The following RAD51B variants were observed in gnomAD, a reference collection of about 807,000 sequenced individuals.
RAD51B encodes the protein DNA repair protein RAD51 homolog 2.
In RAD51B, 38 loss-of-function variants were observed where a neutral mutation model predicts 42.2. The observed-to-expected ratio is 0.90, with a 90% CI of 0.70 to 1.18. RAD51B has a LOEUF of 1.18. Among genes scored for constraint, RAD51B ranks in the 50% most tolerant of loss-of-function variants. The probability of loss-of-function intolerance (pLI) is 0.00; values close to 1 mark genes in which losing one functional copy is unlikely to be tolerated. For synonymous variants in RAD51B, 154 were observed against 145.2 expected, an observed-to-expected ratio of 1.06 and a Z score of -0.43; for missense variants, 373 against 400.7, an observed-to-expected ratio of 0.93 and a Z score of 0.59.
At position 68,497,497 on chromosome 14, in the gene RAD51B, T is replaced by C. The variant is rs1014409138; in HGVS notation, c.1036+29247T>C. 50 of 1,060,224 alleles carry C rather than the reference T, an allele frequency of 4.7e-5. No homozygotes were observed. The African/African-American group carries it at 7.9e-4, about 17-fold the overall frequency. 65.7% of individuals were successfully genotyped at this position (1,060,224 alleles called of 1,614,324 possible). A position where few individuals can be genotyped will look rare whatever the true frequency, so the allele number is the denominator to read the frequency against. On this transcript the variant is annotated intron_variant, in intron 10 of 10. Transcript: ENST00000487270. ...GTGGAACACATAGGTTTTTTTTTTT[T>C]AACTTTCTCTTTCTAAAATATTTCA...
chr14:68,655,656 C>G (rs1204581353), intron 11 of RAD51B, among the ~76,000 whole-genome samples: 1 of 152,164 alleles, frequency 6.6e-6, no homozygotes. Context: ...CCAGGGCCTG[C>G]CAGGGACGCC....
chr14:68,535,955 A>C (rs1349456442), intron 10 of RAD51B, among the ~76,000 whole-genome samples: 1 of 152,178 alleles, frequency 6.6e-6, no homozygotes, highest in Non-Finnish European at 1.5e-5. Flanking sequence ...CTTCTGGCTA[A>C]TGTAAGCCAG....
intron 10 of RAD51B, among the ~76,000 whole-genome samples, chr14:68,559,217 A>G (rs1201395085): frequency 1.3e-5 from 2 of 152,098 alleles, no homozygotes; most frequent in African/African-American, 2.4e-5. Flanking sequence ...CTATACTTAT[A>G]ATAGATATTT....
chr14:68,659,083 G>A (rs1230187050), intron 11 of RAD51B, among the ~76,000 whole-genome samples: 2 of 152,226 alleles, frequency 1.3e-5, no homozygotes, highest in East Asian at 1.9e-4. Flanking sequence ...CGTGTGGCCT[G>A]GAGGGAGGGC....
At chr14:68,248,895 A>C (rs529396680) in intron 7 of RAD51B, among the ~76,000 whole-genome samples, 10 of 152,246 alleles carry the variant, frequency 6.6e-5, no homozygotes, top group Non-Finnish European at 1.5e-4. Flanking sequence ...ATTGGGATGG[A>C]TGTGCCCATT....
intron 9 of RAD51B, among the ~76,000 whole-genome samples, chr14:68,440,922 T>A (rs1243060876): frequency 1.3e-5 from 2 of 152,200 alleles, no homozygotes; most frequent in African/African-American, 4.8e-5. Context: ...TTGGGATGTG[T>A]CTTGCAAGTC....
intron 7 of RAD51B, among the ~76,000 whole-genome samples, chr14:68,273,202 G>A (rs1420678938): frequency 3.3e-5 from 5 of 152,076 alleles, no homozygotes. Flanking sequence ...TTTGCTTAAG[G>A]CAGTGTGATG....
At chr14:68,401,463 G>A (rs1246202357) in intron 8 of RAD51B, among the ~76,000 whole-genome samples, 1 of 152,200 alleles carries the variant, frequency 6.6e-6, no homozygotes, top group African/African-American at 2.4e-5. Flanking sequence ...TTGTGCTATG[G>A]AGGATCCATC....
At position 67,871,580 on chromosome 14, in the gene RAD51B, G is replaced by C. The variant is rs867543226; in HGVS notation, c.452+6441G>C. Among the ~76,000 whole-genome samples the C allele has an allele frequency of 6.0e-3, 898 of 149,030 alleles. 8 individuals carry two copies. Among genetic ancestry groups the C allele is most frequent in the African/African-American group, 0.021 (847 of 40,212 alleles). On this transcript the variant is annotated intron_variant, in intron 5 of 10. Transcript: ENST00000471583. ...GAAAAAGAGGGAATCCTCCCTAACT[G>C]ATTTTATGAGGCCAGCATCATCCTG...
intron 7 of RAD51B, among the ~76,000 whole-genome samples, chr14:68,011,985 T>C (rs2075692136): frequency 6.6e-6 from 1 of 152,072 alleles, no homozygotes; most frequent in South Asian, 2.1e-4. Context: ...TGAATCTCAA[T>C]AAACAAACAC....
intron 9 of RAD51B, among the ~76,000 whole-genome samples, chr14:68,460,049 G>A (rs749470707): frequency 2.6e-5 from 4 of 152,170 alleles, no homozygotes; most frequent in African/African-American, 7.2e-5. Context: ...CCTCATGGCC[G>A]CCTATTCATG....
rs777308562 is a variant in RAD51B, at chr14:68,411,485, T to C, written c.915T>C (p.Asn305=). The change falls in exon 9 of 11, where the codon AAT becomes AAC. Residue 305 remains asparagine (N), a synonymous_variant. Transcript: ENST00000471583. The part of the protein sequence containing the change: ...ALGNTWSHSV[N]TRLILQYLDS... Reference sequence around the variant, plus strand: ...GAAATACCTGGAGTCACAGTGTGAATACCCGGCTGATCCTCCAGTACCTTG... The same window carrying C: ...GAAATACCTGGAGTCACAGTGTGAACACCCGGCTGATCCTCCAGTACCTTG... 13 of 1,614,020 alleles carry C rather than the reference T, an allele frequency of 8.1e-6. No individual in the cohort carries two copies. Among genetic ancestry groups the C allele is most frequent in the Non-Finnish European group, 1.1e-5 (13 of 1,180,006 alleles).
At chr14:68,540,270 G>A (rs1566931567) in intron 10 of RAD51B, 1 of 1,025,986 alleles carries the variant, frequency 9.7e-7, no homozygotes, top group Non-Finnish European at 1.2e-6. Context: ...CCCTGTTCAA[G>A]GTTCAAGAGC....
At chr14:67,961,676 C>T (rs1346478743) in intron 7 of RAD51B, among the ~76,000 whole-genome samples, 9 of 152,128 alleles carry the variant, frequency 5.9e-5, no homozygotes, top group African/African-American at 1.9e-4. Flanking sequence ...ACGGTCCTAC[C>T]GTTTCCTTGC....
chr14:68,263,694 C>A (rs1225283628), intron 7 of RAD51B, among the ~76,000 whole-genome samples: 1 of 152,114 alleles, frequency 6.6e-6, no homozygotes, highest in Non-Finnish European at 1.5e-5. Flanking sequence ...AATTCGGAAA[C>A]TTGAGTCAAA....
At chr14:67,880,340 C>T (rs1169517255) in intron 5 of RAD51B, among the ~76,000 whole-genome samples, 1 of 152,178 alleles carries the variant, frequency 6.6e-6, no homozygotes, top group African/African-American at 2.4e-5. Flanking sequence ...CATAACTTAT[C>T]TATCAATCAT....
At chr14:67,923,154 A>T (rs2044383037) in intron 7 of RAD51B, among the ~76,000 whole-genome samples, 1 of 152,136 alleles carries the variant, frequency 6.6e-6, no homozygotes, top group South Asian at 2.1e-4. Flanking sequence ...CTTTGCTTAG[A>T]GTAACGGTCT....
chr14:68,393,059 T>G lies in RAD51B; in HGVS notation c.854-18365T>G, dbSNP rs1206615525. Reference sequence around the variant, plus strand: ...TGGGAAGGAGAAGATAATTAACCTTTCCACCTATCAGGCTCACTTGAGTGT... The same window carrying G: ...TGGGAAGGAGAAGATAATTAACCTTGCCACCTATCAGGCTCACTTGAGTGT... On this transcript the variant is annotated intron_variant, in intron 8 of 10. Coordinates refer to ENST00000471583, the MANE Select transcript of RAD51B (RefSeq NM_133510.4). Among the ~76,000 whole-genome samples, 5 of 152,226 alleles carry G rather than the reference T, an allele frequency of 3.3e-5. No individual in the cohort carries two copies. The East Asian group carries it at 5.8e-4, about 18-fold the overall frequency.
chr14:67,877,241 G>T (rs1331365443), intron 5 of RAD51B, among the ~76,000 whole-genome samples: 2 of 152,054 alleles, frequency 1.3e-5, no homozygotes, highest in African/African-American at 4.8e-5. Flanking sequence ...ATTCATCTCA[G>T]TTGATGCATA....
Sources: allele counts gnomAD v4.1 joint callset (sites outside exome capture counted in the v4.1 genomes callset), GRCh38; gene constraint gnomAD v4.1.1; transcripts MANE v1.5; gene names NCBI Gene and HGNC (gene_info 2026-07-23, HGNC 2026-07-21).